The following LAMA5 variants were observed in gnomAD, a reference collection of about 807,000 sequenced individuals.
LAMA5 encodes laminin subunit alpha 5, also known as laminin subunit alpha-5.
In LAMA5, 260 loss-of-function variants were observed where a neutral mutation model predicts 433.4. The observed-to-expected ratio is 0.60, with a 90% confidence interval of 0.54 to 0.66. The LOEUF is 0.66. Ranked by LOEUF, LAMA5 falls within the 30% of genes least tolerant of loss-of-function variation. The pLI is 0.00. For synonymous variants in LAMA5, 2,620 were observed against 2,226.6 expected, an observed-to-expected ratio of 1.18 and a Z score of -4.97; for missense variants, 5,378 against 5,258.5, an observed-to-expected ratio of 1.02 and a Z score of -0.70.
In LAMA5 at chr20:62,324,668, C is replaced by T. The variant is rs535526304; in HGVS notation, c.5530-114G>A. The T allele has an allele frequency of 4.2e-6, 3 of 708,428 alleles. No individual in the cohort carries two copies. The highest frequency in any genetic ancestry group is 7.6e-6 in the Non-Finnish European group (3 of 396,606). The allele number at this position is 708,428 out of a possible 1,614,324, so 43.9% of individuals were successfully genotyped here. The stretch of plus-strand genomic sequence containing the variant: ...CTGCAGGCACGAGGCACTGGGAACC[C>T]GTGGAGCATGGTCACCGCTGGGTCA... On this transcript the variant is annotated intron_variant, in intron 41 of 79. Coordinates refer to ENST00000252999, the MANE Select transcript of LAMA5 (RefSeq NM_005560.6). The surrounding 1 kb of genome is among the most constrained non-coding windows in gnomAD (Gnocchi z 4.4).
Position 62,344,880 on chromosome 20 carries a change from G to A in LAMA5, c.1477+938C>T, listed in dbSNP as rs191492943. On this transcript the variant is annotated intron_variant, in intron 11 of 79. Coordinates refer to ENST00000252999, the MANE Select transcript of LAMA5 (RefSeq NM_005560.6). ...CCTATGAAATGGACCACAAGACAAT[G>A]TGTTTACAGGATTGTGGTTGGGATG... Among the ~76,000 whole-genome samples, 9 of 152,268 alleles carry A rather than the reference G, an allele frequency of 5.9e-5. No individual in the cohort carries two copies. In the East Asian group the frequency reaches 1.5e-3, roughly 26 times the overall value.
chr20:62,323,824 C>CG lies in LAMA5; in HGVS notation c.5800dup (p.Arg1934ProfsTer43). 1 of 1,609,888 alleles carries CG rather than the reference C, an allele frequency of 6.2e-7. No homozygotes were observed. The highest frequency in any genetic ancestry group is 8.5e-7 in the Non-Finnish European group (1 of 1,178,674). On this transcript the variant is annotated frameshift_variant, in exon 44 of 80. Transcript: ENST00000252999. LOFTEE classifies it high-confidence loss of function. ...ACCAGGTTTGCAGAGGCACTGGGTG[C>CG]GGCCGCCTCGCAGGACACAGCCCTC...
chr20:62,342,490 AACACG>A (rs1198353162), intron 11 of LAMA5, among the ~76,000 whole-genome samples: 1 of 151,986 alleles, frequency 6.6e-6, no homozygotes, highest in African/African-American at 2.4e-5. Context: ...ATCCTGCTTT[AACACG>A]GTGAAACCCC....
At chr20:62,335,325 A>C in intron 18 of LAMA5, 56 bp from the exon 19 acceptor site, 1 of 1,579,604 alleles carries the variant, frequency 6.3e-7, no homozygotes, top group Non-Finnish European at 8.7e-7. Flanking sequence ...GCCTGGCTCC[A>C]GCCCCCCGAG....
chr20:62,354,733 C>G (rs988318324), intron 2 of LAMA5, among the ~76,000 whole-genome samples: 1 of 152,130 alleles, frequency 6.6e-6, no homozygotes, highest in African/African-American at 2.4e-5. Flanking sequence ...TGCTCCCACC[C>G]GCCATAGCCT....
At chr20:62,325,640 G>T in intron 40 of LAMA5, 94 bp from the exon 41 acceptor site, 1 of 803,034 alleles carries the variant, frequency 1.2e-6, no homozygotes, top group Non-Finnish European at 2.0e-6. Flanking sequence ...GGGGATGGAG[G>T]GGCACAAAGA....
At chr20:62,318,401 C>CGGGG in intron 53 of LAMA5, 53 bp downstream of exon 53, 1 of 1,336,404 alleles carries the variant, frequency 7.5e-7, no homozygotes, top group East Asian at 2.4e-5. Context: ...AGAGGGATTG[C>CGGGG]AGGGAGGAGG....
chr20:62,364,172 A>T lies in LAMA5; in HGVS notation c.298-1620T>A, dbSNP rs554714830. ...GTTAAGCGCCACGACCCCTACCCGC[A>T]GGCCGCACTGCAAGCTTTGATGGTG... is the stretch of plus-strand genomic sequence containing the variant. On this transcript the variant is annotated intron_variant, in intron 1 of 79. Coordinates refer to ENST00000252999, the MANE Select transcript of LAMA5 (RefSeq NM_005560.6). 3.9e-5 allele frequency among the ~76,000 whole-genome samples: 6 copies of T among 152,330 alleles called. No individual in the cohort carries two copies. The East Asian group carries it at 1.2e-3, about 29-fold the overall frequency.
In LAMA5 at chr20:62,322,415, C is replaced by T. The variant is rs1978420161; in HGVS notation, c.6200G>A (p.Cys2067Tyr). Residue 2067 changes from cysteine (C) to tyrosine (Y), a missense_variant, in exon 47 of 80, where the codon TGC becomes TAC. Cys to Tyr is a radical substitution (Grantham distance 194). Coordinates refer to ENST00000252999, the MANE Select transcript of LAMA5 (RefSeq NM_005560.6). ...GHFGFDGCGG[C>Y]RPCACGPAAE... is the part of the protein sequence containing the mutation. ...GGCCGGTCCACAAGCACACGGGCGG[C>T]AGCCCCCGCAGCCATCGAAACCAAA... 1.3e-6 allele frequency: 2 copies of T among 1,591,232 alleles called. No homozygotes were observed. The highest frequency in any genetic ancestry group is 1.8e-5 in the Admixed American group (1 of 56,766).
chr20:62,333,524 C>G (rs750352427), intron 24 of LAMA5, 40 bp downstream of exon 24: 2 of 1,580,972 alleles, frequency 1.3e-6, no homozygotes, highest in South Asian at 1.2e-5. Flanking sequence ...GCCCCACCCC[C>G]TGACCCGGCC....
In LAMA5 at chr20:62,311,652, G is replaced by A; in HGVS notation, c.9768C>T (p.Tyr3256=). ...CGTTGCTGATGCAGCCACTGAAGTT[G>A]TAAATGGTGCCAGACTCAGGCAGGC... The part of the protein sequence containing the change: ...LGGLPESGTI[Y]NFSGCISNVF... The change falls in exon 71 of 80, where the codon TAC becomes TAT. Residue 3256 remains tyrosine, a synonymous_variant. Transcript: ENST00000252999. The A allele has an allele frequency of 6.2e-7, 1 of 1,600,986 alleles. No homozygotes were observed. Among genetic ancestry groups the A allele is most frequent in the Non-Finnish European group, 8.5e-7 (1 of 1,174,918 alleles).
At position 62,312,114 on chromosome 20, in the gene LAMA5, TCC is replaced by T. The variant is rs1005506859; in HGVS notation, c.9504+57_9504+58del. 2.1e-5 allele frequency: 34 copies of T among 1,609,288 alleles called. No individual in the cohort carries two copies. In the Admixed American group the frequency reaches 2.2e-4, roughly 10 times the overall value. ...CCCAGACTCATTCCAGACACCCCAGTCCCAACTGCTCCGACGGCCACCGCGGG... is the reference window on the plus strand; with the variant it reads ...CCCAGACTCATTCCAGACACCCCAGTCAACTGCTCCGACGGCCACCGCGGG... On this transcript the variant is annotated intron_variant, in intron 69 of 79. Transcript: ENST00000252999.
chr20:62,334,850 G>A (rs1981275126), intron 20 of LAMA5, among the ~76,000 whole-genome samples, 171 bp downstream of exon 20: 1 of 151,804 alleles, frequency 6.6e-6, no homozygotes, highest in Admixed American at 6.6e-5. Context: ...ATCTGGGTGG[G>A]AGCTGCACCC....
intron 2 of LAMA5, chr20:62,356,419 C>T (rs1985241522): frequency 6.6e-6 from 1 of 152,492 alleles, no homozygotes; most frequent in Admixed American, 6.5e-5. Flanking sequence ...GACCTTTCCG[C>T]TGCTACATGG....
intron 57 of LAMA5, 81 bp downstream of exon 57, chr20:62,316,590 G>C: frequency 9.2e-7 from 1 of 1,087,676 alleles, no homozygotes; most frequent in Non-Finnish European, 1.3e-6. Flanking sequence ...CCCCACGTGT[G>C]CATGTGGCTG....
rs1461499762 is a variant in LAMA5 at position 62,326,977 on chromosome 20, G to A, written c.5113-11C>T. ...ACCGTAGGATGACACCTGGAGGCAGGACAGACAGAGGTGACCTGGCCAGAC... is the reference window on the plus strand; with the variant it reads ...ACCGTAGGATGACACCTGGAGGCAGAACAGACAGAGGTGACCTGGCCAGAC... On this transcript the variant is annotated splice_polypyrimidine_tract_variant and intron_variant, in intron 38 of 79. Coordinates refer to ENST00000252999, the MANE Select transcript of LAMA5 (RefSeq NM_005560.6). The A allele has an allele frequency of 1.3e-6, 2 of 1,581,768 alleles. No homozygotes were observed. The highest frequency in any genetic ancestry group is 2.2e-5 in the East Asian group (1 of 44,578).
chr20:62,310,471 G>T lies in LAMA5; in HGVS notation c.10548C>A (p.Gly3516=). The change falls in exon 76 of 80, where the codon GGC becomes GGA. Residue 3516 remains glycine, a synonymous_variant. Coordinates refer to ENST00000252999, the MANE Select transcript of LAMA5 (RefSeq NM_005560.6). ...RMAGVTPCIL[G]PLEAGLFFPG... is the part of the protein sequence containing the mutation. ...GGAAGAACAGGCCCGCCTCCAGGGG[G>T]CCCAAGATGCAGGGTGTGACCCCTG... The T allele has an allele frequency of 2.5e-6, 4 of 1,596,690 alleles. No individual in the cohort carries two copies. Among genetic ancestry groups the T allele is most frequent in the Middle Eastern group, 1.7e-4 (1 of 5,962 alleles).
intron 9 of LAMA5, 124 bp from the exon 10 acceptor site, chr20:62,346,339 TG>T: frequency 2.1e-6 from 3 of 1,409,938 alleles, no homozygotes; most frequent in Non-Finnish European, 2.9e-6. Context: ...CCAGGCCCCC[TG>T]GGGGGACATG....
At chr20:62,334,742 G>GGCTCAGC in intron 20 of LAMA5, 121 bp from the exon 21 acceptor site, 2 of 678,222 alleles carry the variant, frequency 2.9e-6, no homozygotes, top group Non-Finnish European at 4.6e-6. Flanking sequence ...CAGGGCTCAG[G>GGCTCAGC]GCTCAGGGCT....
Sources: gnomAD v4.1 joint callset for allele counts (sites outside exome capture counted in the v4.1 genomes callset) on GRCh38, gnomAD v4.1.1 for gene constraint, Gnocchi (gnomAD v3.1) non-coding constraint, MANE v1.5 for transcripts, NCBI Gene and HGNC (gene_info 2026-07-23, HGNC 2026-07-21) for gene names.